Variants in CNTN4 observed in about 807,000 individuals in gnomAD.
CNTN4 encodes contactin-4.
A neutral mutation model predicts 122.5 loss-of-function variants in CNTN4; 77 were observed. The observed-to-expected ratio is 0.63, with a 90% confidence interval of 0.52 to 0.76. The LOEUF (loss-of-function observed/expected upper bound fraction) is 0.76. Ranked by LOEUF, CNTN4 falls within the 30% of genes least tolerant of loss-of-function variation. The pLI, the probability that CNTN4 is intolerant of heterozygous loss-of-function variation, is 0.00. For missense variants in CNTN4, 1,256 were observed against 1,259.1 expected, an observed-to-expected ratio of 1.00 and a Z score of 0.04; for synonymous variants, 512 against 447.0, an observed-to-expected ratio of 1.15 and a Z score of -1.83.
At chr3:2,713,700 G>A (rs891776514) in intron 4 of CNTN4, among the ~76,000 whole-genome samples, 2 of 152,166 alleles carry the variant, frequency 1.3e-5, no homozygotes, top group African/African-American at 2.4e-5. Context: ...TTTTGGGGTA[G>A]CGTGTCCTGA....
At chr3:2,736,436 T>A in intron 5 of CNTN4, 95 bp downstream of exon 5, 1 of 717,002 alleles carries the variant, frequency 1.4e-6, no homozygotes, top group African/African-American at 1.9e-5. Context: ...AAAGAGCTTT[T>A]ATTTATTTAT....
intron 3 of CNTN4, among the ~76,000 whole-genome samples, chr3:2,384,844 CCTAT>C (rs2046183363): frequency 1.3e-5 from 2 of 151,872 alleles, no homozygotes; most frequent in East Asian, 3.9e-4. Flanking sequence ...CTAATTTTTA[CCTAT>C]CTTTTTTTAA....
chr3:2,952,784 A>G (rs766814443), intron 13 of CNTN4, among the ~76,000 whole-genome samples: 1 of 152,184 alleles, frequency 6.6e-6, no homozygotes, highest in Non-Finnish European at 1.5e-5. Flanking sequence ...AATTGCATCA[A>G]ATCTCTAGTA....
chr3:2,402,635 G>A (rs1372801987), intron 3 of CNTN4, among the ~76,000 whole-genome samples: 1 of 151,956 alleles, frequency 6.6e-6, no homozygotes, highest in East Asian at 1.9e-4. Flanking sequence ...TTGTGCTACT[G>A]AACACTAGAT....
intron 14 of CNTN4, among the ~76,000 whole-genome samples, chr3:3,018,752 G>A (rs1057506863): frequency 2.0e-5 from 3 of 152,146 alleles, no homozygotes; most frequent in Non-Finnish European, 2.9e-5. Flanking sequence ...ATGACCCTCA[G>A]TAACAATGAG....
chr3:2,536,507 A>G (rs1042083068), intron 3 of CNTN4, among the ~76,000 whole-genome samples: 12 of 152,152 alleles, frequency 7.9e-5, no homozygotes, highest in African/African-American at 2.7e-4. Context: ...TATATCATAA[A>G]AACAGTTGAT....
intron 5 of CNTN4, among the ~76,000 whole-genome samples, chr3:2,739,625 C>T (rs934396412): frequency 1.3e-5 from 2 of 152,080 alleles, no homozygotes; most frequent in Non-Finnish European, 2.9e-5. Flanking sequence ...AACTTTACCC[C>T]TCCTCTCTTA....
intron 2 of CNTN4, among the ~76,000 whole-genome samples, chr3:2,209,703 T>C (rs747686921): frequency 2.0e-5 from 3 of 152,194 alleles, no homozygotes; most frequent in Non-Finnish European, 2.9e-5. Flanking sequence ...CGCTTGATTT[T>C]GTAGTAGCTC....
intron 4 of CNTN4, among the ~76,000 whole-genome samples, chr3:2,571,889 T>C (rs2079437591): frequency 6.6e-6 from 1 of 152,128 alleles, no homozygotes; most frequent in East Asian, 1.9e-4. Flanking sequence ...ACTGATAATA[T>C]AGTCTGGAGT....
chr3:2,972,979 G>A (rs867688462), intron 13 of CNTN4, among the ~76,000 whole-genome samples: 2 of 151,918 alleles, frequency 1.3e-5, no homozygotes, highest in Non-Finnish European at 2.9e-5. Flanking sequence ...AAAGGCCCTT[G>A]TAGATTTGGG....
intron 3 of CNTN4, among the ~76,000 whole-genome samples, chr3:2,386,724 A>G (rs1333465580): frequency 6.6e-6 from 1 of 152,220 alleles, no homozygotes; most frequent in African/African-American, 2.4e-5. Context: ...CGAAAGGGAA[A>G]CATTTCAACG....
intron 13 of CNTN4, among the ~76,000 whole-genome samples, chr3:2,946,934 G>A (rs902699943): frequency 1.3e-5 from 2 of 151,900 alleles, no homozygotes; most frequent in East Asian, 1.9e-4. Flanking sequence ...TCAAACTCCC[G>A]GGCTCAAGCA....
intron 4 of CNTN4, 41 bp downstream of exon 4, chr3:2,571,599 C>G (rs1293831815): frequency 7.1e-7 from 1 of 1,410,522 alleles, no homozygotes; most frequent in Non-Finnish European, 1.0e-6. Context: ...AGAAATGCCA[C>G]TGTATTTCAC....
At chr3:2,689,437 C>T (rs536898702) in intron 4 of CNTN4, among the ~76,000 whole-genome samples, 2 of 152,218 alleles carry the variant, frequency 1.3e-5, no homozygotes, top group Admixed American at 1.3e-4. Context: ...CATGCAAATG[C>T]CTGACTCCCA....
intron 6 of CNTN4, among the ~76,000 whole-genome samples, chr3:2,787,913 C>T (rs755795942): frequency 4.0e-5 from 6 of 151,880 alleles, no homozygotes; most frequent in Non-Finnish European, 7.4e-5. Context: ...CCTCTGCCTC[C>T]TGAACAGCTG....
At chr3:2,260,306 C>T (rs371171997) in intron 2 of CNTN4, among the ~76,000 whole-genome samples, 1 of 152,140 alleles carries the variant, frequency 6.6e-6, no homozygotes, top group East Asian at 1.9e-4. Flanking sequence ...GTAGCACCAC[C>T]CGAGTTGTGA....
intron 3 of CNTN4, among the ~76,000 whole-genome samples, chr3:2,564,992 T>C (rs550367352): frequency 3.1e-4 from 47 of 152,268 alleles, no homozygotes; most frequent in African/African-American, 1.1e-3. Context: ...ATGGTTAGAA[T>C]CTTCACAAGT....
intron 3 of CNTN4, among the ~76,000 whole-genome samples, chr3:2,347,336 C>A (rs543750430): frequency 7.6e-6 from 1 of 130,756 alleles, no homozygotes; most frequent in South Asian, 2.4e-4. Context: ...GGAATTGACA[C>A]ACGTCATTTT....
chr3:2,551,409 C>G (rs758027635), intron 3 of CNTN4, among the ~76,000 whole-genome samples: 4 of 151,928 alleles, frequency 2.6e-5, no homozygotes, highest in Non-Finnish European at 5.9e-5. Context: ...CATGCACACA[C>G]AAATACACAC....
Sources: gnomAD v4.1 joint callset for allele counts (sites outside exome capture counted in the v4.1 genomes callset) on GRCh38, gnomAD v4.1.1 for gene constraint, MANE v1.5 for transcripts, NCBI Gene and HGNC (gene_info 2026-07-23, HGNC 2026-07-21) for gene names.